The following FBXL14 variants were observed in gnomAD, a reference collection of about 807,000 sequenced individuals.
The protein encoded by FBXL14 is F-box/LRR-repeat protein 14.
In FBXL14, 11 loss-of-function variants were observed where a neutral mutation model predicts 24.5. The ratio of observed to expected loss-of-function variants is 0.45; its 90% CI spans 0.28 to 0.74. The LOEUF is 0.74. FBXL14 is among the 30% of genes least tolerant of loss of function. FBXL14 has a pLI of 0.12. For synonymous variants in FBXL14, 294 were observed against 240.4 expected (o/e 1.22, Z -2.06); for missense variants, 384 against 545.6 (o/e 0.70, Z 2.95).
intron 1 of FBXL14, chr12:1,587,585 T>G (rs575019813): frequency 6.6e-6 from 1 of 152,302 alleles, no homozygotes; most frequent in African/African-American, 2.4e-5. Flanking sequence ...ACATTTAAAT[T>G]TACCAATTGT....
intron 1 of FBXL14, among the ~76,000 whole-genome samples, chr12:1,575,445 C>T (rs2094453993): frequency 6.6e-6 from 1 of 152,198 alleles, no homozygotes; most frequent in African/African-American, 2.4e-5. Context: ...CTTTTGCATC[C>T]CTGGGGTTAA....
At chr12:1,573,778 GC>G (rs2094449702) in intron 1 of FBXL14, among the ~76,000 whole-genome samples, 1 of 152,200 alleles carries the variant, frequency 6.6e-6, no homozygotes, top group Admixed American at 6.5e-5. Context: ...GCCAAGGCGG[GC>G]GGATCACCTG....
chr12:1,581,092 G>A (rs1217977105), intron 1 of FBXL14, among the ~76,000 whole-genome samples: 1 of 152,134 alleles, frequency 6.6e-6, no homozygotes, highest in Non-Finnish European at 1.5e-5. Flanking sequence ...ACGTCGCCTG[G>A]AATCCCCCAC....
At position 1,592,966 on chromosome 12, in the gene FBXL14, G is replaced by T. The variant is rs760542495; in HGVS notation, c.1101C>A (p.Thr367=). 7.4e-6 allele frequency: 12 copies of T among 1,613,220 alleles called. No individual in the cohort carries two copies. The South Asian group carries it at 9.9e-5, about 13-fold the overall frequency. Residue 367 remains threonine (T), a synonymous_variant, in exon 1 of 2, where the codon ACC becomes ACA. Coordinates refer to ENST00000339235, the MANE Select transcript of FBXL14 (RefSeq NM_152441.3). The part of the protein sequence containing the change: ...QLTGIDLYGC[T]RITKRGLERI... ...GCTCCAGGCCGCGCTTGGTGATTCG[G>T]GTGCAGCCGTACAGGTCTATGCCGG...
At chr12:1,589,397 CAAAAA>C (rs869295084) in intron 1 of FBXL14, among the ~76,000 whole-genome samples, 3 of 10,986 alleles carry the variant, frequency 2.7e-4, no homozygotes, top group African/African-American at 9.0e-4. Flanking sequence ...GACCTTGTCT[CAAAAA>C]AAAAAAAAAA....
chr12:1,580,485 A>G (rs1417641732), intron 1 of FBXL14, among the ~76,000 whole-genome samples: 1 of 151,880 alleles, frequency 6.6e-6, no homozygotes, highest in Non-Finnish European at 1.5e-5. Flanking sequence ...CTGGACGGCT[A>G]CTCCTGGCTC....
chr12:1,593,572 G>C lies in FBXL14; in HGVS notation c.495C>G (p.Ala165=). The change falls in exon 1 of 2, where the codon GCC becomes GCG. Residue 165 remains alanine (A), a synonymous_variant. Transcript: ENST00000339235. This position sits in a 1 kb window ranked among gnomAD's most constrained non-coding sequence, Gnocchi z 7.4. ...GGCTCTTGAGGCGCTGCAGACCCCA[G>C]GCGATGAGCAGAAGGCCAGTGTTGG... ...NITNTGLLLI[A]WGLQRLKSLN... 6.2e-7 allele frequency: 1 copy of C among 1,614,174 alleles called. No individual in the cohort carries two copies. Among genetic ancestry groups the C allele is most frequent in the Non-Finnish European group, 8.5e-7 (1 of 1,180,028 alleles).
chr12:1,574,718 T>G (rs1171035730), intron 1 of FBXL14: 1 of 164,348 alleles, frequency 6.1e-6, no homozygotes, highest in Non-Finnish European at 1.3e-5. Context: ...GCCTCGTGCC[T>G]GCTTGAACAG....
chr12:1,576,014 C>T (rs1212325360), intron 1 of FBXL14, among the ~76,000 whole-genome samples: 1 of 152,182 alleles, frequency 6.6e-6, no homozygotes, highest in Non-Finnish European at 1.5e-5. Context: ...TGTGCAATGC[C>T]TCAGCACAGC....
At position 1,567,746 on chromosome 12, in the gene FBXL14, C is replaced by T. The variant is rs909888773; in HGVS notation, c.1195-936G>A. Among the ~76,000 whole-genome samples, 25 of 152,170 alleles carry T rather than the reference C, an allele frequency of 1.6e-4. No individual in the cohort carries two copies. Among genetic ancestry groups the T allele is most frequent in the Non-Finnish European group, 2.8e-4 (19 of 68,026 alleles). On this transcript the variant is annotated intron_variant, in intron 1 of 1. Coordinates refer to ENST00000339235, the MANE Select transcript of FBXL14 (RefSeq NM_152441.3). The surrounding 1 kb of genome is among the most constrained non-coding windows in gnomAD (Gnocchi z 4.8). Reference sequence around the variant, plus strand: ...AGTGACAGAGAGCAAAGCACGGTGACGGAAATGAAGAATGCCGCTGATGGG... The same window carrying T: ...AGTGACAGAGAGCAAAGCACGGTGATGGAAATGAAGAATGCCGCTGATGGG...
chr12:1,569,913 G>A lies in FBXL14; in HGVS notation c.1195-3103C>T, dbSNP rs537535397. Among the ~76,000 whole-genome samples the A allele has an allele frequency of 1.6e-4, 25 of 152,352 alleles. No individual in the cohort carries two copies. Among genetic ancestry groups the A allele is most frequent in the African/African-American group, 5.3e-4 (22 of 41,572 alleles). Reference sequence around the variant, plus strand: ...GCACCACATGCCCACTGCAGAGCCAGCATCCCCCTCGAGAGCTGCACTTCT... The same window carrying A: ...GCACCACATGCCCACTGCAGAGCCAACATCCCCCTCGAGAGCTGCACTTCT... On this transcript the variant is annotated intron_variant, in intron 1 of 1. Transcript: ENST00000339235. This position sits in a 1 kb window ranked among gnomAD's most constrained non-coding sequence, Gnocchi z 4.2.
At chr12:1,591,178 T>C (rs564864216) in intron 1 of FBXL14, among the ~76,000 whole-genome samples, 3 of 152,330 alleles carry the variant, frequency 2.0e-5, no homozygotes, top group African/African-American at 4.8e-5. Flanking sequence ...AACATGTCAG[T>C]AGTAAACCTT....
Position 1,594,147 on chromosome 12 carries a change from C to A in FBXL14, c.-81G>T, listed in dbSNP as rs1174291607. 1.7e-6 allele frequency: 2 copies of A among 1,165,334 alleles called. No homozygotes were observed. Among genetic ancestry groups the A allele is most frequent in the South Asian group, 8.3e-5 (2 of 24,178 alleles). 72.2% of individuals were successfully genotyped at this position (1,165,334 alleles called of 1,614,324 possible). On this transcript the variant is annotated 5_prime_UTR_variant, in exon 1 of 2. Coordinates refer to ENST00000339235, the MANE Select transcript of FBXL14 (RefSeq NM_152441.3). ...CGGCCTCGGGCAGGCGACGAGAGCG[C>A]TTCTCCCCAGCCGCCGCCGCCGCCG...
intron 1 of FBXL14, among the ~76,000 whole-genome samples, 176 bp downstream of exon 1, chr12:1,592,697 G>A (rs1447980093): frequency 6.6e-6 from 1 of 152,252 alleles, no homozygotes; most frequent in African/African-American, 2.4e-5. Flanking sequence ...TGGGCTGGAA[G>A]CCGGGAGGGG....
intron 1 of FBXL14, among the ~76,000 whole-genome samples, chr12:1,573,211 G>A (rs184847613): frequency 3.4e-4 from 51 of 152,214 alleles, no homozygotes; most frequent in Non-Finnish European, 2.2e-4. Flanking sequence ...AGTGCAAGGC[G>A]CTGTGCTAGA....
chr12:1,581,177 T>C (rs2094465555), intron 1 of FBXL14, among the ~76,000 whole-genome samples: 1 of 146,510 alleles, frequency 6.8e-6, no homozygotes, highest in African/African-American at 2.5e-5. Context: ...ATGGCCATGC[T>C]GGAGTCCTTT....
In FBXL14 at chr12:1,585,070, C is replaced by A. The variant is rs373566252; in HGVS notation, c.1194+7803G>T. On this transcript the variant is annotated intron_variant, in intron 1 of 1. Transcript: ENST00000339235. ...TTGGCTCCTCCCTGTTTAGTGACTA[C>A]GTCTCAGAAAGCCTTGCCTTGGGCT... Among the ~76,000 whole-genome samples the A allele has an allele frequency of 3.3e-5, 5 of 152,164 alleles. No individual in the cohort carries two copies. The East Asian group carries it at 9.6e-4, about 29-fold the overall frequency.
At chr12:1,571,273 A>G (rs1299689858) in intron 1 of FBXL14, among the ~76,000 whole-genome samples, 1 of 151,942 alleles carries the variant, frequency 6.6e-6, no homozygotes, top group East Asian at 1.9e-4. Context: ...CAATGGCATG[A>G]TCTCAGCTCA....
intron 1 of FBXL14, among the ~76,000 whole-genome samples, chr12:1,575,038 T>C (rs2094453253): frequency 1.3e-5 from 2 of 152,182 alleles, no homozygotes; most frequent in African/African-American, 4.8e-5. Context: ...TACAACAGTA[T>C]GTCTGAAAAA....
Sources: allele counts gnomAD v4.1 joint callset (sites outside exome capture counted in the v4.1 genomes callset), GRCh38; gene constraint gnomAD v4.1.1; non-coding constraint Gnocchi (gnomAD v3.1); transcripts MANE v1.5; gene names NCBI Gene and HGNC (gene_info 2026-07-23, HGNC 2026-07-21).